NUP214: variants seen among roughly 807,000 people sequenced by gnomAD.
NUP214 encodes the protein nucleoporin 214, also known as nuclear pore complex protein Nup214.
In NUP214, 79 loss-of-function variants were observed where a neutral mutation model predicts 196.2. The observed-to-expected ratio is 0.40, with a 90% confidence interval of 0.34 to 0.49. The LOEUF is 0.49. Ranked by LOEUF, NUP214 falls within the 20% of genes least tolerant of loss-of-function variation. The pLI is 0.58. For synonymous variants in NUP214, 1,020 were observed against 990.5 expected (o/e 1.03, Z -0.56); for missense variants, 2,468 against 2,539.0 (o/e 0.97, Z 0.60).
chr9:131,192,318 G>A (rs1298462136), intron 27 of NUP214, 26 bp downstream of exon 27: 1 of 1,366,024 alleles, frequency 7.3e-7, no homozygotes, highest in South Asian at 1.3e-5. Context: ...AAGTTTTATG[G>A]CAAATTACTA....
chr9:131,181,124 C>A (rs1833266818), intron 24 of NUP214, among the ~76,000 whole-genome samples: 1 of 152,084 alleles, frequency 6.6e-6, no homozygotes, highest in African/African-American at 2.4e-5. Flanking sequence ...AAGGCCTTCT[C>A]AGGAAGGTGA....
chr9:131,186,036 CTT>C (rs1434359176), intron 24 of NUP214, among the ~76,000 whole-genome samples: 2 of 152,062 alleles, frequency 1.3e-5, no homozygotes, highest in Non-Finnish European at 2.9e-5. Context: ...CTTTGTAATC[CTT>C]GTGAGCTCCA....
intron 15 of NUP214, 41 bp from the exon 16 acceptor site, chr9:131,150,575 G>T (rs762341677): frequency 1.2e-6 from 2 of 1,604,162 alleles, no homozygotes; most frequent in Non-Finnish European, 1.7e-6. Context: ...ATTACTGTTT[G>T]TCCTTCAGAC....
In NUP214 at chr9:131,197,566, A is replaced by G; in HGVS notation, c.4072A>G (p.Thr1358Ala). 2 of 1,614,178 alleles carry G rather than the reference A, an allele frequency of 1.2e-6. No homozygotes were observed. The highest frequency in any genetic ancestry group is 2.2e-5 in the South Asian group (2 of 91,088). The part of the protein sequence containing the change: ...PTNKASSTSL[T>A]STQPTKTSGV... Reference sequence around the variant, plus strand: ...CAATAAGGCTTCATCCACAAGCCTAACTAGTACCCAGCCAACCAAGACGTC... The same window carrying G: ...CAATAAGGCTTCATCCACAAGCCTAGCTAGTACCCAGCCAACCAAGACGTC... The change falls in exon 29 of 36, where the codon ACT (threonine) becomes GCT (alanine). Residue 1358 changes from threonine to alanine, a missense_variant. Transcript: ENST00000359428.
At chr9:131,170,504 G>C (rs576479123) in intron 21 of NUP214, among the ~76,000 whole-genome samples, 101 of 152,116 alleles carry the variant, frequency 6.6e-4, no homozygotes, top group Non-Finnish European at 1.3e-3. Flanking sequence ...AATGTTTTCT[G>C]CGTGGGAGAC....
intron 21 of NUP214, among the ~76,000 whole-genome samples, chr9:131,166,039 A>G (rs553498106): frequency 5.9e-5 from 9 of 152,308 alleles, no homozygotes; most frequent in Admixed American, 4.6e-4. Flanking sequence ...GATGGTGGTG[A>G]TGATTACACA....
intron 4 of NUP214, among the ~76,000 whole-genome samples, 199 bp from the exon 5 acceptor site, chr9:131,130,562 TTTCAA>T (rs1831517217): frequency 2.0e-5 from 3 of 152,232 alleles, no homozygotes; most frequent in Non-Finnish European, 2.9e-5. Flanking sequence ...CATTTTTAGC[TTTCAA>T]TTCAATAGCC....
intron 30 of NUP214, among the ~76,000 whole-genome samples, chr9:131,207,436 G>A (rs72768597): frequency 0.012 from 1,805 of 152,326 alleles, 15 homozygotes; most frequent in Non-Finnish European, 0.02. Context: ...AGCTGGAGCT[G>A]TTAGCTGAAC....
Position 131,127,680 on chromosome 9 carries a change from C to G in NUP214, c.202C>G (p.Leu68Val). 6.2e-7 allele frequency: 1 copy of G among 1,613,980 alleles called. No homozygotes were observed. The highest frequency in any genetic ancestry group is 2.2e-5 in the East Asian group (1 of 44,874). Reference protein sequence around the residue: ...GLQIFPTKNLLIQNKPGDDPN... With the variant: ...GLQIFPTKNLVIQNKPGDDPN... Reference sequence around the variant, plus strand: ...GCAGATTTTTCCTACTAAAAATCTTCTTATTCAAAATAAACCCGGAGATGA... The same window carrying G: ...GCAGATTTTTCCTACTAAAAATCTTGTTATTCAAAATAAACCCGGAGATGA... Residue 68 changes from leucine to valine, a missense_variant, in exon 2 of 36, where the codon CTT becomes GTT. This residue lies in a region of NUP214 where 392 missense variants were observed against 417.9 expected (regional missense o/e 0.94). Transcript: ENST00000359428.
intron 23 of NUP214, 134 bp downstream of exon 23, chr9:131,175,755 T>C: frequency 7.7e-7 from 1 of 1,292,120 alleles, no homozygotes; most frequent in Admixed American, 3.2e-5. Flanking sequence ...GTGACAGCCC[T>C]CTCCCCTTTG....
intron 24 of NUP214, among the ~76,000 whole-genome samples, chr9:131,185,174 A>T (rs1316519110): frequency 1.3e-5 from 2 of 152,242 alleles, no homozygotes; most frequent in African/African-American, 4.8e-5. Flanking sequence ...TGACATTTTA[A>T]TGCTTCACAA....
intron 31 of NUP214, among the ~76,000 whole-genome samples, chr9:131,221,719 T>G (rs1834560107): frequency 6.6e-6 from 1 of 152,170 alleles, no homozygotes; most frequent in Non-Finnish European, 1.5e-5. Context: ...CATTTATGCC[T>G]TGTGTCTTTG....
chr9:131,128,199 C>A, intron 2 of NUP214, 133 bp from the exon 3 acceptor site: 1 of 600,976 alleles, frequency 1.7e-6, no homozygotes, highest in Non-Finnish European at 2.8e-6. Flanking sequence ...TAAGATTTAT[C>A]TGTATAACTA....
intron 21 of NUP214, among the ~76,000 whole-genome samples, chr9:131,168,204 T>C (rs1298002922): frequency 6.6e-6 from 1 of 152,210 alleles, no homozygotes; most frequent in Non-Finnish European, 1.5e-5. Flanking sequence ...GAGCAGAAGT[T>C]CTTAATTGTA....
intron 26 of NUP214, 57 bp from the exon 27 acceptor site, chr9:131,192,149 TTC>T: frequency 8.8e-7 from 1 of 1,134,330 alleles, no homozygotes; most frequent in Non-Finnish European, 1.2e-6. Flanking sequence ...GGAACAGTGT[TTC>T]TGTCTTTTTG....
chr9:131,150,906 A>G (rs1832238418), intron 16 of NUP214, 141 bp downstream of exon 16: 1 of 759,422 alleles, frequency 1.3e-6, no homozygotes, highest in Non-Finnish European at 2.1e-6. Flanking sequence ...TAGCTTGCCT[A>G]GAATCCCTGA....
intron 31 of NUP214, among the ~76,000 whole-genome samples, chr9:131,216,557 G>A (rs555288695): frequency 9.4e-4 from 138 of 146,108 alleles, no homozygotes; most frequent in African/African-American, 3.5e-3. Context: ...TTTTGAAACG[G>A]AGTGTTGCTC....
intron 3 of NUP214, 182 bp downstream of exon 3, chr9:131,128,665 A>T (rs1831437811): frequency 1.9e-6 from 1 of 514,412 alleles, no homozygotes; most frequent in East Asian, 3.2e-5. Context: ...GACTTCAAGA[A>T]ATTCTTTCAT....
rs1554737948 is a variant in NUP214 at position 131,196,025 on chromosome 9, T to TCCGTCC, written c.3721+733_3721+734insGTCCCC. On this transcript the variant is annotated intron_variant, in intron 28 of 35. Coordinates refer to ENST00000359428, the MANE Select transcript of NUP214 (RefSeq NM_005085.4). ...GGCAACAAGAGTGAAACTCTGTGTGTCCCCCCCCCCCCCCGCGCCAAAAAA... is the reference window on the plus strand; with the variant it reads ...GGCAACAAGAGTGAAACTCTGTGTGTCCGTCCCCCCCCCCCCCCCCGCGCCAAAAAA... Among the ~76,000 whole-genome samples, 33 of 3,666 alleles carry TCCGTCC rather than the reference T, an allele frequency of 9.0e-3. 9 individuals carry two copies. In the East Asian group the frequency reaches 0.17, roughly 19 times the overall value. The allele number at this position is 3,666 out of a possible 152,430, so 2.4% of individuals were successfully genotyped here. A position where few individuals can be genotyped will look rare whatever the true frequency, so the allele number is the denominator to read the frequency against.
Sources: gnomAD v4.1 joint callset for allele counts (sites outside exome capture counted in the v4.1 genomes callset) on GRCh38, gnomAD v4.1.1 for gene constraint, gnomAD v4.1.1 regional missense constraint, MANE v1.5 for transcripts, NCBI Gene and HGNC (gene_info 2026-07-23, HGNC 2026-07-21) for gene names.